SLC24A2: variants seen among roughly 807,000 people sequenced by gnomAD.
The protein encoded by SLC24A2 is sodium/potassium/calcium exchanger 2.
A neutral mutation model predicts 62.0 loss-of-function variants in SLC24A2; 36 were observed. That is an observed-to-expected ratio of 0.58 (90% confidence interval 0.44 to 0.77). SLC24A2 has a LOEUF of 0.77. SLC24A2 is among the 30% of genes least tolerant of loss of function. The probability of loss-of-function intolerance (pLI) is 0.00; values close to 1 mark genes in which losing one functional copy is unlikely to be tolerated. For missense variants in SLC24A2, 846 were observed against 817.9 expected (o/e 1.03, Z -0.42); for synonymous variants, 358 against 294.0 (o/e 1.22, Z -2.23).
the SLC24A2 span, among the ~76,000 whole-genome samples, chr9:20,187,750 C>T: frequency 1.3e-5 from 2 of 152,188 alleles, no homozygotes; most frequent in Non-Finnish European, 2.9e-5. Context: ...ATCTGAGCAT[C>T]TTGTGGCAAT....
chr9:20,236,969 G>C, the SLC24A2 span, among the ~76,000 whole-genome samples: 1 of 151,952 alleles, frequency 6.6e-6, no homozygotes, highest in Admixed American at 6.6e-5. Flanking sequence ...AAGGATGGAG[G>C]GGGTGGGGAC....
At chr9:19,747,173 A>G (rs1821856355) in intron 2 of SLC24A2, among the ~76,000 whole-genome samples, 2 of 152,166 alleles carry the variant, frequency 1.3e-5, no homozygotes, top group Admixed American at 1.3e-4. Flanking sequence ...TACTTGAAAG[A>G]AGTAAAATAC....
chr9:20,226,077 G>C, the SLC24A2 span, among the ~76,000 whole-genome samples: 1 of 152,094 alleles, frequency 6.6e-6, no homozygotes, highest in South Asian at 2.1e-4. Flanking sequence ...GGATGAATCA[G>C]AATCAACCAC....
chr9:19,602,017 C>G (rs149817995), intron 4 of SLC24A2, among the ~76,000 whole-genome samples: 1 of 152,270 alleles, frequency 6.6e-6, no homozygotes, highest in Admixed American at 6.5e-5. Context: ...TCAGAGTGAA[C>G]TTTGGTATCA....
At chr9:19,868,359 G>A in the SLC24A2 span, among the ~76,000 whole-genome samples, 4,785 of 152,068 alleles carry the variant, frequency 0.031, 235 homozygotes, top group African/African-American at 0.11. Flanking sequence ...TTTGATATTT[G>A]TAAATGTATT....
In SLC24A2 at chr9:19,513,182, A is replaced by ATATATATATATATATG. The variant is rs1832793560; in HGVS notation, c.*2970_*2971insCATATATATATATATA. The stretch of plus-strand genomic sequence containing the variant: ...TATATATATATATATATATGTATAT[A>ATATATATATATATATG]TATATATATGTATATATTTATATAT... On this transcript the variant is annotated 3_prime_UTR_variant, in exon 11 of 11. Coordinates refer to ENST00000341998, the MANE Select transcript of SLC24A2 (RefSeq NM_020344.4). The ATATATATATATATATG allele has an allele frequency of 1.5e-5, 2 of 136,080 alleles. No individual in the cohort carries two copies. Among genetic ancestry groups the ATATATATATATATATG allele is most frequent in the East Asian group, 2.3e-4 (1 of 4,324 alleles). 8.4% of individuals were successfully genotyped at this position (136,080 alleles called of 1,614,324 possible).
At chr9:20,190,637 T>C in the SLC24A2 span, among the ~76,000 whole-genome samples, 1 of 152,176 alleles carries the variant, frequency 6.6e-6, no homozygotes, top group African/African-American at 2.4e-5. Flanking sequence ...ACTAGTAAGT[T>C]ATGGATAAAT....
intron 4 of SLC24A2, among the ~76,000 whole-genome samples, chr9:19,612,303 C>T (rs908882869): frequency 6.6e-6 from 1 of 152,140 alleles, no homozygotes; most frequent in East Asian, 1.9e-4. Context: ...GTTGTAAGTG[C>T]TTTTCATATA....
the SLC24A2 span, among the ~76,000 whole-genome samples, chr9:20,026,038 T>C: frequency 3.3e-5 from 5 of 152,346 alleles, no homozygotes; most frequent in African/African-American, 1.2e-4. Flanking sequence ...TTTCAAATCC[T>C]AATCTGCTAC....
At chr9:20,024,523 C>T in the SLC24A2 span, among the ~76,000 whole-genome samples, 2 of 152,142 alleles carry the variant, frequency 1.3e-5, no homozygotes, top group Admixed American at 6.5e-5. Context: ...TTAATTGGTT[C>T]GCACTCAGCC....
the SLC24A2 span, among the ~76,000 whole-genome samples, chr9:20,209,971 A>G: frequency 2.0e-5 from 3 of 152,226 alleles, no homozygotes; most frequent in African/African-American, 7.2e-5. Context: ...CCTCAAGTGA[A>G]AGAAAGTAGT....
Position 19,515,988 on chromosome 9 carries a change from G to C in SLC24A2, c.*165C>G, listed in dbSNP as rs1426436946. 2.9e-5 allele frequency: 25 copies of C among 855,366 alleles called. No individual in the cohort carries two copies. Among genetic ancestry groups the C allele is most frequent in the Non-Finnish European group, 3.9e-5 (20 of 510,640 alleles). The allele number at this position is 855,366 out of a possible 1,614,324, so 53.0% of individuals were successfully genotyped here. ...AGGCAGGGTGGAAGCAGCCTGTGAAGTGAATGGGCCCAGTGTGAATCCATC... is the reference window on the plus strand; with the variant it reads ...AGGCAGGGTGGAAGCAGCCTGTGAACTGAATGGGCCCAGTGTGAATCCATC... On this transcript the variant is annotated 3_prime_UTR_variant, in exon 11 of 11. Transcript: ENST00000341998.
At chr9:19,521,158 A>C (rs149882507) in intron 9 of SLC24A2, 98 bp from the exon 10 acceptor site, 2 of 1,032,366 alleles carry the variant, frequency 1.9e-6, no homozygotes, top group East Asian at 2.6e-5. Flanking sequence ...ATGCATTTCT[A>C]TACTGTGCTA....
chr9:20,295,516 G>A, the SLC24A2 span, among the ~76,000 whole-genome samples: 1 of 152,172 alleles, frequency 6.6e-6, no homozygotes. Context: ...TGTTTCCAGA[G>A]ATTAGTGTGT....
the SLC24A2 span, among the ~76,000 whole-genome samples, chr9:20,012,235 C>T: frequency 3.3e-5 from 5 of 152,294 alleles, no homozygotes; most frequent in Middle Eastern, 6.8e-3. Context: ...TTTACAGTTC[C>T]AGGTGGCTGG....
the SLC24A2 span, among the ~76,000 whole-genome samples, chr9:20,097,164 C>G: frequency 6.6e-6 from 1 of 152,166 alleles, no homozygotes; most frequent in African/African-American, 2.4e-5. Flanking sequence ...TCTGCCACCA[C>G]CATGATTCCC....
chr9:19,972,232 T>TGA, the SLC24A2 span, among the ~76,000 whole-genome samples: 2 of 150,600 alleles, frequency 1.3e-5, no homozygotes, highest in East Asian at 3.9e-4. Context: ...GCAATGAGAG[T>TGA]GAGAGAGAGA....
the SLC24A2 span, among the ~76,000 whole-genome samples, chr9:19,923,039 T>TA: frequency 6.6e-6 from 1 of 150,998 alleles, no homozygotes; most frequent in African/African-American, 2.4e-5. Context: ...TACCAGTTTT[T>TA]TAAAAAAAAT....
chr9:19,678,606 C>T (rs893174019), intron 2 of SLC24A2, among the ~76,000 whole-genome samples: 2 of 152,158 alleles, frequency 1.3e-5, no homozygotes, highest in African/African-American at 4.8e-5. Flanking sequence ...TTTACCATAG[C>T]ATGTTGAGAA....
Sources: allele counts gnomAD v4.1 joint callset (sites outside exome capture counted in the v4.1 genomes callset), GRCh38; gene constraint gnomAD v4.1.1; transcripts MANE v1.5; gene names NCBI Gene and HGNC (gene_info 2026-07-23, HGNC 2026-07-21).